CLEC16A: variants seen among roughly 807,000 people sequenced by gnomAD.
CLEC16A encodes C-type lectin domain containing 16A, also known as protein CLEC16A.
In CLEC16A, 51 loss-of-function variants were observed where a neutral mutation model predicts 109.5. That is an observed-to-expected ratio of 0.47 (90% CI 0.37 to 0.59). The LOEUF is 0.59. CLEC16A is among the 20% of genes least tolerant of loss of function. The pLI is 0.00. For synonymous variants in CLEC16A, 673 were observed against 564.2 expected (o/e 1.19, Z -2.73); for missense variants, 1,339 against 1,394.0 (o/e 0.96, Z 0.63).
intron 11 of CLEC16A, among the ~76,000 whole-genome samples, chr16:11,008,032 C>G (rs1486997772): frequency 6.6e-6 from 1 of 152,078 alleles, no homozygotes; most frequent in Non-Finnish European, 1.5e-5. Flanking sequence ...AATAAAAAAA[C>G]AAAGGAAGGG....
intron 13 of CLEC16A, among the ~76,000 whole-genome samples, chr16:11,031,936 C>T (rs1417094397): frequency 3.3e-5 from 5 of 152,160 alleles, no homozygotes; most frequent in African/African-American, 7.2e-5. Context: ...TGTGGAGCAC[C>T]GGCCGTGTGC....
intron 19 of CLEC16A, among the ~76,000 whole-genome samples, chr16:11,101,954 C>A (rs1210447130): frequency 6.6e-6 from 1 of 151,424 alleles, no homozygotes; most frequent in Non-Finnish European, 1.5e-5. Context: ...AGGTGCACAC[C>A]ACCACATCCA....
At chr16:11,027,733 G>A (rs1249864747) in intron 13 of CLEC16A, 25 of 1,560,004 alleles carry the variant, frequency 1.6e-5, no homozygotes, top group South Asian at 4.4e-5. Flanking sequence ...CGGGGTGAAC[G>A]CATCAATCAG....
chr16:11,011,063 C>G (rs560276380), intron 11 of CLEC16A, among the ~76,000 whole-genome samples: 57 of 152,302 alleles, frequency 3.7e-4, no homozygotes, highest in African/African-American at 1.3e-3. Flanking sequence ...GGTCACATGA[C>G]TAAGGTGTTG....
chr16:11,103,855 C>G (rs1401442788), intron 19 of CLEC16A, among the ~76,000 whole-genome samples: 1 of 152,300 alleles, frequency 6.6e-6, no homozygotes, highest in South Asian at 2.1e-4. Context: ...ATGGGTGTAC[C>G]GGTTCCATCT....
intron 13 of CLEC16A, among the ~76,000 whole-genome samples, chr16:11,025,788 A>C (rs1267895354): frequency 6.6e-6 from 1 of 152,192 alleles, no homozygotes. Context: ...ATGATAAATA[A>C]GTTGATTAGT....
At chr16:10,985,500 A>C (rs2043589091) in intron 10 of CLEC16A, among the ~76,000 whole-genome samples, 1 of 150,922 alleles carries the variant, frequency 6.6e-6, no homozygotes, top group Non-Finnish European at 1.5e-5. Context: ...GACTACATTG[A>C]TGTTAATATG....
At chr16:11,047,380 G>C (rs766226304) in intron 17 of CLEC16A, 38 bp downstream of exon 17, 1 of 1,515,782 alleles carries the variant, frequency 6.6e-7, no homozygotes, top group South Asian at 1.3e-5. Flanking sequence ...GCTGGTGTGC[G>C]CCTGTGTCCC....
intron 11 of CLEC16A, among the ~76,000 whole-genome samples, chr16:11,003,770 C>A (rs905012268): frequency 6.6e-6 from 1 of 151,970 alleles, no homozygotes; most frequent in Non-Finnish European, 1.5e-5. Context: ...TATAATTATT[C>A]CCAATAACCT....
At chr16:11,046,405 T>C (rs2047635711) in intron 16 of CLEC16A, among the ~76,000 whole-genome samples, 1 of 152,178 alleles carries the variant, frequency 6.6e-6, no homozygotes, top group Non-Finnish European at 1.5e-5. Flanking sequence ...TATTCAAATT[T>C]AGTTGTAGTT....
At chr16:10,964,027 A>G (rs2042381440) in intron 3 of CLEC16A, among the ~76,000 whole-genome samples, 1 of 152,232 alleles carries the variant, frequency 6.6e-6, no homozygotes, top group Non-Finnish European at 1.5e-5. Context: ...CCTGCCCGCC[A>G]GAAGTGGGGG....
rs955447706 is a variant in CLEC16A at position 11,136,636 on chromosome 16, A to G, written c.2641+10490A>G. ...CAGTGGCACAGAGTTGCTCTTTCACAAAGACTTTCCCTGGGCGTTGGTAAA... is the reference window on the plus strand; with the variant it reads ...CAGTGGCACAGAGTTGCTCTTTCACGAAGACTTTCCCTGGGCGTTGGTAAA... On this transcript the variant is annotated intron_variant, in intron 22 of 23. Transcript: ENST00000409790. 9.2e-5 allele frequency among the ~76,000 whole-genome samples: 14 copies of G among 152,350 alleles called. 1 individual carries two copies. The South Asian group carries it at 2.9e-3, about 32-fold the overall frequency.
intron 18 of CLEC16A, among the ~76,000 whole-genome samples, chr16:11,060,069 G>T (rs942948067): frequency 6.6e-6 from 1 of 152,204 alleles, no homozygotes; most frequent in African/African-American, 2.4e-5. Context: ...TGCACACACG[G>T]CTCCGACTGC....
intron 22 of CLEC16A, among the ~76,000 whole-genome samples, chr16:11,137,000 A>G (rs1415455952): frequency 6.6e-6 from 1 of 152,216 alleles, no homozygotes; most frequent in Non-Finnish European, 1.5e-5. Flanking sequence ...GCATATTCAG[A>G]GGCAGAACAC....
chr16:11,025,236 C>T (rs1474400533), intron 13 of CLEC16A, among the ~76,000 whole-genome samples: 2 of 152,170 alleles, frequency 1.3e-5, no homozygotes, highest in Admixed American at 6.5e-5. Flanking sequence ...ACTGACTTAG[C>T]GTCTGACCTC....
chr16:11,115,766 A>T (rs537191721), intron 19 of CLEC16A, among the ~76,000 whole-genome samples: 1 of 152,220 alleles, frequency 6.6e-6, no homozygotes, highest in Admixed American at 6.5e-5. Context: ...TTAATAATGT[A>T]GAAGACTAGT....
At chr16:11,088,929 G>C (rs1471235721) in intron 19 of CLEC16A, among the ~76,000 whole-genome samples, 1 of 152,228 alleles carries the variant, frequency 6.6e-6, no homozygotes, top group Non-Finnish European at 1.5e-5. Flanking sequence ...GGCTCAAACA[G>C]TGCAGTTTGT....
intron 10 of CLEC16A, among the ~76,000 whole-genome samples, chr16:10,993,089 C>A: frequency 6.6e-6 from 1 of 151,990 alleles, no homozygotes; most frequent in East Asian, 1.9e-4. Flanking sequence ...GGACGGTTTT[C>A]GTTTTATAGA....
At chr16:11,131,754 C>T (rs183748850) in intron 22 of CLEC16A, among the ~76,000 whole-genome samples, 2 of 152,328 alleles carry the variant, frequency 1.3e-5, no homozygotes, top group Non-Finnish European at 2.9e-5. Flanking sequence ...TGTCACCAGC[C>T]CCTCTCTGTG....
Sources: gnomAD v4.1 joint callset for allele counts (sites outside exome capture counted in the v4.1 genomes callset) on GRCh38, gnomAD v4.1.1 for gene constraint, MANE v1.5 for transcripts, NCBI Gene and HGNC (gene_info 2026-07-23, HGNC 2026-07-21) for gene names.